PDE1B: variants seen among roughly 807,000 people sequenced by gnomAD.
PDE1B encodes phosphodiesterase 1B.
In PDE1B, 13 loss-of-function variants were observed where a neutral mutation model predicts 66.7. That is an observed-to-expected ratio of 0.19 (90% CI 0.13 to 0.31). PDE1B has a LOEUF of 0.31. Ranked by LOEUF, PDE1B falls within the 10% of genes least tolerant of loss-of-function variation. The pLI is 1.00. For synonymous variants in PDE1B, 230 were observed against 253.9 expected (o/e 0.91, Z 0.90); for missense variants, 485 against 682.3 (o/e 0.71, Z 3.22).
chr12:54,565,231 G>A (rs986207698), intron 2 of PDE1B, among the ~76,000 whole-genome samples: 12 of 152,348 alleles, frequency 7.9e-5, no homozygotes, highest in African/African-American at 2.9e-4. Flanking sequence ...AGAAGGCTGG[G>A]GTGGGAATCT....
rs757305103 is a variant in PDE1B, at chr12:54,570,257, G to C, written c.494G>C (p.Cys165Ser). ...LNCLKNLDLW[C>S]FDVFSLNQAA... The stretch of plus-strand genomic sequence containing the variant: ...TCTCCATAGAACCTGGATCTCTGGT[G>C]CTTTGATGTCTTTTCCTTGAACCAG... Residue 165 changes from cysteine (C) to serine (S), a missense_variant, in exon 6 of 16, where the codon TGC (cysteine) becomes TCC (serine). Cys to Ser is a moderately radical substitution (Grantham distance 112, BLOSUM62 -1). Transcript: ENST00000243052. 6.2e-7 allele frequency: 1 copy of C among 1,610,314 alleles called. No individual in the cohort carries two copies.
In PDE1B at chr12:54,569,460, C is replaced by T; in HGVS notation, c.411-86C>T. 1 of 1,579,462 alleles carries T rather than the reference C, an allele frequency of 6.3e-7. No individual in the cohort carries two copies. The highest frequency in any genetic ancestry group is 1.3e-5 in the African/African-American group (1 of 74,368). On this transcript the variant is annotated intron_variant, in intron 4 of 15. Coordinates refer to ENST00000243052, the MANE Select transcript of PDE1B (RefSeq NM_000924.4). The surrounding 1 kb of genome is among the most constrained non-coding windows in gnomAD (Gnocchi z 4.4). Reference sequence around the variant, plus strand: ...TTCCATGACCACCAGCCATATGATCCCATGGCTCATCCCCACATCCCCAGC... The same window carrying T: ...TTCCATGACCACCAGCCATATGATCTCATGGCTCATCCCCACATCCCCAGC...
rs892899190 is a variant in PDE1B at position 54,549,761 on chromosome 12, C to G, written c.-25C>G. 2.5e-6 allele frequency: 2 copies of G among 808,048 alleles called. No homozygotes were observed. The highest frequency in any genetic ancestry group is 4.0e-6 in the Non-Finnish European group (2 of 495,144). 50.1% of individuals were successfully genotyped at this position (808,048 alleles called of 1,614,324 possible). A position where few individuals can be genotyped will look rare whatever the true frequency, so the allele number is the denominator to read the frequency against. ...TAGAGACACCGGCCTGGCTGGTCCA[C>G]GCCAGCCGCAGGTGGGAAGGGCCTG... On this transcript the variant is annotated 5_prime_UTR_variant, in exon 1 of 16. Transcript: ENST00000243052.
rs1619029 is a variant in PDE1B at position 54,573,505 on chromosome 12, T to C, written c.962+25T>C. ...TGTGAGCAGAAGCCAGTACTTGGCA[T>C]CCCTAAGAGACTCCCTTACCACAAA... On this transcript the variant is annotated intron_variant, in intron 9 of 15. Transcript: ENST00000243052. This position sits in a 1 kb window ranked among gnomAD's most constrained non-coding sequence, Gnocchi z 5.2. 24 of 1,613,904 alleles carry C rather than the reference T, an allele frequency of 1.5e-5. No homozygotes were observed. The East Asian group carries it at 5.3e-4, about 36-fold the overall frequency.
chr12:54,564,754 G>A (rs1271425168), intron 2 of PDE1B, among the ~76,000 whole-genome samples: 2 of 152,180 alleles, frequency 1.3e-5, no homozygotes, highest in South Asian at 2.1e-4. Context: ...TGGATCCAAG[G>A]TGATTCTGAT....
chr12:54,575,197 C>G lies in PDE1B; in HGVS notation c.1164C>G (p.Leu388=). The G allele has an allele frequency of 6.2e-7, 1 of 1,613,488 alleles. No homozygotes were observed. Among genetic ancestry groups the G allele is most frequent in the Admixed American group, 1.7e-5 (1 of 60,010 alleles). ...WLVHSRWTKA[L]MEEFFRQGDK... is the part of the protein sequence containing the mutation. ...TCCACAGCCGTTGGACCAAGGCCCT[C>G]ATGGAGGAATTCTTCCGTCAGGTAG... is the stretch of plus-strand genomic sequence containing the variant. Residue 388 remains leucine (L), a synonymous_variant, in exon 11 of 16, where the codon CTC becomes CTG. Transcript: ENST00000243052. This position sits in a 1 kb window ranked among gnomAD's most constrained non-coding sequence, Gnocchi z 4.0.
In PDE1B at chr12:54,573,306, C is replaced by T. The variant is rs201364707; in HGVS notation, c.837-49C>T. ...GGCCAAGAGGAGGTGGGGAGGTTGC[C>T]GGAGTCCCTCCTTACAGGGGGTGGT... On this transcript the variant is annotated intron_variant, in intron 8 of 15. Coordinates refer to ENST00000243052, the MANE Select transcript of PDE1B (RefSeq NM_000924.4). The surrounding 1 kb of genome is among the most constrained non-coding windows in gnomAD (Gnocchi z 5.2). 3.7e-5 allele frequency: 60 copies of T among 1,613,734 alleles called. No homozygotes were observed. Among genetic ancestry groups the T allele is most frequent in the Admixed American group, 1.2e-4 (7 of 60,012 alleles).
At chr12:54,577,489 C>T in intron 15 of PDE1B, 144 bp downstream of exon 15, 2 of 1,595,520 alleles carry the variant, frequency 1.3e-6, no homozygotes, top group South Asian at 1.1e-5. Context: ...TAGAATGGAG[C>T]CAAAGTGTGG....
At chr12:54,557,122 T>C (rs1441830144) in intron 2 of PDE1B, among the ~76,000 whole-genome samples, 1 of 152,232 alleles carries the variant, frequency 6.6e-6, no homozygotes, top group African/African-American at 2.4e-5. Flanking sequence ...CCAAACTTCC[T>C]AAACCATGAG....
At chr12:54,561,635 C>T in intron 2 of PDE1B, 1 of 1,533,554 alleles carries the variant, frequency 6.5e-7, no homozygotes, top group Non-Finnish European at 8.7e-7. Flanking sequence ...GCCCCATTCT[C>T]AGGTAGGTGC....
rs1317708117 is a variant in PDE1B at position 54,549,660 on chromosome 12, G to C, written c.-126G>C. 1 of 495,214 alleles carries C rather than the reference G, an allele frequency of 2.0e-6. No individual in the cohort carries two copies. The highest frequency in any genetic ancestry group is 3.6e-6 in the Non-Finnish European group (1 of 280,466). 30.7% of individuals were successfully genotyped at this position (495,214 alleles called of 1,614,324 possible). A position where few individuals can be genotyped will look rare whatever the true frequency, so the allele number is the denominator to read the frequency against. ...AGCGGCGGTGCGGAGAGCTTGGACT[G>C]GGAGCCCAAAGCTCGGCTGGGCAGC... is the stretch of plus-strand genomic sequence containing the variant. On this transcript the variant is annotated 5_prime_UTR_variant, in exon 1 of 16. Coordinates refer to ENST00000243052, the MANE Select transcript of PDE1B (RefSeq NM_000924.4).
rs1619029 is a variant in PDE1B at position 54,573,505 on chromosome 12, T to G, written c.962+25T>G. 3 of 1,613,904 alleles carry G rather than the reference T, an allele frequency of 1.9e-6. No individual in the cohort carries two copies. The East Asian group carries it at 6.7e-5, about 36-fold the overall frequency. On this transcript the variant is annotated intron_variant, in intron 9 of 15. Transcript: ENST00000243052. This position sits in a 1 kb window ranked among gnomAD's most constrained non-coding sequence, Gnocchi z 5.2. The stretch of plus-strand genomic sequence containing the variant: ...TGTGAGCAGAAGCCAGTACTTGGCA[T>G]CCCTAAGAGACTCCCTTACCACAAA...
rs1565700970 is a variant in PDE1B, at chr12:54,569,794, C to A, written c.477+182C>A. Among the ~76,000 whole-genome samples, 1 of 151,922 alleles carries A rather than the reference C, an allele frequency of 6.6e-6. No homozygotes were observed. The highest frequency in any genetic ancestry group is 2.4e-5 in the African/African-American group (1 of 41,360). On this transcript the variant is annotated intron_variant, in intron 5 of 15. Transcript: ENST00000243052. The surrounding 1 kb of genome is among the most constrained non-coding windows in gnomAD (Gnocchi z 4.4). ...CTCGTCTCACTGCAACCTCTGCCTC[C>A]CTGCAAGCGATTCTCCTGCCTCAGC...
chr12:54,577,014 T>G, intron 14 of PDE1B: 1 of 613,856 alleles, frequency 1.6e-6, no homozygotes, highest in Non-Finnish European at 2.9e-6. Flanking sequence ...GGGAAATCTC[T>G]TCCTGTGTGA....
intron 2 of PDE1B, among the ~76,000 whole-genome samples, chr12:54,556,568 T>G (rs1957344276): frequency 6.6e-6 from 1 of 152,138 alleles, no homozygotes; most frequent in South Asian, 2.1e-4. Context: ...ACTTCAGCAC[T>G]CAGACCTGGC....
At chr12:54,561,856 C>CA (rs1433318291) in intron 2 of PDE1B, among the ~76,000 whole-genome samples, 3 of 152,026 alleles carry the variant, frequency 2.0e-5, no homozygotes, top group Non-Finnish European at 4.4e-5. Context: ...CATCCCCCCC[C>CA]ACCTTTGTAA....
chr12:54,554,180 T>C (rs549963123), intron 2 of PDE1B: 23 of 152,346 alleles, frequency 1.5e-4, no homozygotes, highest in African/African-American at 5.3e-4. Context: ...GGGTGCCTCA[T>C]TGGTTTAACC....
At position 54,553,705 on chromosome 12, in the gene PDE1B, G is replaced by A. The variant is rs565426434; in HGVS notation, c.113+3720G>A. On this transcript the variant is annotated intron_variant, in intron 2 of 15. Coordinates refer to ENST00000243052, the MANE Select transcript of PDE1B (RefSeq NM_000924.4). ...AGTGGCGGGGGGAGGAGTAGGAAAT[G>A]GAGGTGGAGGAAAGGGAGATGATGA... Among the ~76,000 whole-genome samples the A allele has an allele frequency of 2.6e-5, 4 of 152,264 alleles. No homozygotes were observed. The South Asian group carries it at 8.3e-4, about 32-fold the overall frequency.
At chr12:54,551,017 C>T (rs1457423453) in intron 2 of PDE1B, among the ~76,000 whole-genome samples, 1 of 152,070 alleles carries the variant, frequency 6.6e-6, no homozygotes, top group African/African-American at 2.4e-5. Context: ...AATCCATGGC[C>T]CCAGGAAAGA....
Sources: allele counts gnomAD v4.1 joint callset (sites outside exome capture counted in the v4.1 genomes callset), GRCh38; gene constraint gnomAD v4.1.1; non-coding constraint Gnocchi (gnomAD v3.1); transcripts MANE v1.5; gene names NCBI Gene and HGNC (gene_info 2026-07-23, HGNC 2026-07-21).